Variants in SAMMSON observed in about 807,000 individuals in gnomAD.
The protein encoded by SAMMSON is survival associated mitochondrial melanoma specific oncogenic non-coding RNA.
chr3:70,265,945 G>T (rs915649121), intron 6 of SAMMSON, among the ~76,000 whole-genome samples: 1 of 152,080 alleles, frequency 6.6e-6, no homozygotes. Context: ...CCTCCACCTG[G>T]TCTCCCCCTT....
intron 2 of SAMMSON, among the ~76,000 whole-genome samples, chr3:70,412,186 T>C (rs1020390865): frequency 2.0e-5 from 3 of 152,192 alleles, no homozygotes; most frequent in South Asian, 2.1e-4. Flanking sequence ...TTAACCATTA[T>C]GGACTTGTCT....
intron 7 of SAMMSON, among the ~76,000 whole-genome samples, chr3:70,349,115 CT>C (rs748798019): frequency 1.3e-5 from 2 of 152,096 alleles, no homozygotes; most frequent in Non-Finnish European, 2.9e-5. Flanking sequence ...TGGTTCATGC[CT>C]GTAATCCCAG....
chr3:70,282,681 T>G (rs113699884), intron 6 of SAMMSON, among the ~76,000 whole-genome samples: 3 of 152,186 alleles, frequency 2.0e-5, no homozygotes, highest in Non-Finnish European at 4.4e-5. Context: ...TGCTGCCAAA[T>G]AAGAGAGGCC....
intron 9 of SAMMSON, among the ~76,000 whole-genome samples, chr3:70,363,494 G>A: frequency 6.6e-6 from 1 of 151,888 alleles, no homozygotes; most frequent in Non-Finnish European, 1.5e-5. Context: ...ATGTTTCAGG[G>A]TACAACATCT....
chr3:70,130,417 A>G (rs906788892), intron 4 of SAMMSON, among the ~76,000 whole-genome samples: 1 of 152,216 alleles, frequency 6.6e-6, no homozygotes, highest in Non-Finnish European at 1.5e-5. Context: ...ACTGTGGCAG[A>G]TGGCATTTCC....
At chr3:70,207,447 G>A (rs909645443) in intron 4 of SAMMSON, among the ~76,000 whole-genome samples, 3 of 152,000 alleles carry the variant, frequency 2.0e-5, no homozygotes, top group African/African-American at 7.2e-5. Context: ...AGCTAGAGAT[G>A]TTCAGGGAAT....
At chr3:70,175,641 T>G (rs866877430) in intron 4 of SAMMSON, among the ~76,000 whole-genome samples, 2 of 152,080 alleles carry the variant, frequency 1.3e-5, no homozygotes, top group South Asian at 4.2e-4. Context: ...AACCAAGAAT[T>G]TGGATATATC....
At chr3:70,251,831 A>G (rs928593281) in intron 6 of SAMMSON, among the ~76,000 whole-genome samples, 1 of 152,204 alleles carries the variant, frequency 6.6e-6, no homozygotes, top group African/African-American at 2.4e-5. Context: ...AGATTAGCCA[A>G]ACTGCAGCTG....
chr3:70,024,565 C>T (rs1212624605), intron 3 of SAMMSON, among the ~76,000 whole-genome samples: 1 of 152,162 alleles, frequency 6.6e-6, no homozygotes, highest in African/African-American at 2.4e-5. Flanking sequence ...CCCCTCCCAG[C>T]CACCATGCTC....
At chr3:70,324,213 TC>T in intron 7 of SAMMSON, among the ~76,000 whole-genome samples, 1 of 150,112 alleles carries the variant, frequency 6.7e-6, no homozygotes, top group African/African-American at 2.4e-5. Context: ...TATCTATCTA[TC>T]CACACACACA....
intron 6 of SAMMSON, among the ~76,000 whole-genome samples, chr3:70,280,413 C>A (rs1702069598): frequency 6.6e-6 from 1 of 152,142 alleles, no homozygotes; most frequent in Non-Finnish European, 1.5e-5. Flanking sequence ...CAACCTACTA[C>A]ATTTACCTTG....
At chr3:70,403,037 T>C (rs1348677817) in intron 2 of SAMMSON, among the ~76,000 whole-genome samples, 2 of 152,144 alleles carry the variant, frequency 1.3e-5, no homozygotes, top group Non-Finnish European at 2.9e-5. Context: ...TGCTTTATAG[T>C]CACAGATGCC....
chr3:70,069,215 A>G (rs2067221088), intron 3 of SAMMSON: 1 of 152,098 alleles, frequency 6.6e-6, no homozygotes, highest in South Asian at 2.1e-4. Context: ...CCAAAGTATA[A>G]TGTCATTTTC....
At chr3:70,056,027 C>A (rs2067165429) in intron 3 of SAMMSON, among the ~76,000 whole-genome samples, 1 of 152,040 alleles carries the variant, frequency 6.6e-6, no homozygotes, top group Non-Finnish European at 1.5e-5. Context: ...TTCAGTGATC[C>A]TTTGGGCAAT....
chr3:70,353,350 GAAT>G lies in SAMMSON; in HGVS notation n.740-823_740-821del, dbSNP rs141643060. On this transcript the variant is annotated intron_variant and non_coding_transcript_variant, in intron 7 of 9. Transcript: ENST00000642114. ...TTATCTGAGAAAGGACTAGCAACTAGAATATATAAAGAACTCAGAAAACTGCAT... is the reference window on the plus strand; with the variant it reads ...TTATCTGAGAAAGGACTAGCAACTAGATATAAAGAACTCAGAAAACTGCAT... Among the ~76,000 whole-genome samples the G allele has an allele frequency of 5.1e-3, 773 of 152,038 alleles. 9 individuals carry two copies. The highest frequency in any genetic ancestry group is 0.017 in the African/African-American group (708 of 41,488).
chr3:70,072,447 G>T (rs1323455517), intron 4 of SAMMSON: 4 of 150,860 alleles, frequency 2.7e-5, no homozygotes, highest in African/African-American at 4.9e-5. Context: ...TTTTTCCCCC[G>T]CCCCGTGAGC....
chr3:70,119,676 A>G (rs1261758207), intron 4 of SAMMSON, among the ~76,000 whole-genome samples: 5 of 152,158 alleles, frequency 3.3e-5, no homozygotes, highest in African/African-American at 7.2e-5. Flanking sequence ...GGTTATATCA[A>G]GAAAAATGTT....
At chr3:70,245,312 C>G (rs1396467182) in intron 4 of SAMMSON, among the ~76,000 whole-genome samples, 1 of 151,892 alleles carries the variant, frequency 6.6e-6, no homozygotes, top group Non-Finnish European at 1.5e-5. Context: ...TAACATTTTC[C>G]TCTCTCATTG....
At chr3:70,291,281 T>C (rs1702237073) in intron 7 of SAMMSON, 1 of 152,126 alleles carries the variant, frequency 6.6e-6, no homozygotes, top group Admixed American at 6.5e-5. Context: ...TTCTCATCTG[T>C]GAAATGGGAA....
Sources: gnomAD v4.1 joint callset for allele counts (sites outside exome capture counted in the v4.1 genomes callset) on GRCh38, gnomAD v4.1.1 for gene constraint, MANE v1.5 for transcripts, NCBI Gene and HGNC (gene_info 2026-07-23, HGNC 2026-07-21) for gene names.